The following EXOC4 variants were observed in gnomAD, a reference collection of about 807,000 sequenced individuals.
EXOC4 encodes the protein exocyst complex component 4.
In EXOC4, 71 loss-of-function variants were observed where a neutral mutation model predicts 107.2. The ratio of observed to expected loss-of-function variants is 0.66; its 90% CI spans 0.55 to 0.81. The LOEUF (loss-of-function observed/expected upper bound fraction) is 0.81, where lower values mean the gene tolerates loss of function less well. EXOC4 is among the 30% of genes least tolerant of loss of function. The pLI, the probability that EXOC4 is intolerant of heterozygous loss-of-function variation, is 0.00. For missense variants in EXOC4, 1,108 were observed against 1,189.6 expected (o/e 0.93, Z 1.01); for synonymous variants, 456 against 441.2 (o/e 1.03, Z -0.42).
intron 2 of EXOC4, among the ~76,000 whole-genome samples, chr7:133,278,489 T>C (rs1794050876): frequency 6.6e-6 from 1 of 152,052 alleles, no homozygotes; most frequent in Non-Finnish European, 1.5e-5. Context: ...TGAGGGCCCA[T>C]ATGAGCCAAC....
chr7:133,902,207 T>C (rs1187963018), intron 12 of EXOC4, among the ~76,000 whole-genome samples: 1 of 152,266 alleles, frequency 6.6e-6, no homozygotes, highest in Non-Finnish European at 1.5e-5. Flanking sequence ...CCCAGGCATT[T>C]TCTCCTGTGT....
chr7:133,702,512 T>A (rs924518496), intron 10 of EXOC4, among the ~76,000 whole-genome samples: 1 of 151,064 alleles, frequency 6.6e-6, no homozygotes, highest in Non-Finnish European at 1.5e-5. Flanking sequence ...GCCAATTTTT[T>A]TTTTTGAATT....
intron 14 of EXOC4, among the ~76,000 whole-genome samples, chr7:133,989,060 A>G (rs1001082903): frequency 3.9e-5 from 6 of 152,186 alleles, no homozygotes. Flanking sequence ...TAGTCCATGG[A>G]AGAGATGGGG....
At chr7:133,469,552 G>C (rs1348240267) in intron 7 of EXOC4, among the ~76,000 whole-genome samples, 1 of 152,116 alleles carries the variant, frequency 6.6e-6, no homozygotes, top group African/African-American at 2.4e-5. Flanking sequence ...AGTAATTTTG[G>C]TATAAATGTC....
chr7:133,994,348 C>T (rs377065872), intron 14 of EXOC4, among the ~76,000 whole-genome samples: 1 of 151,944 alleles, frequency 6.6e-6, no homozygotes, highest in African/African-American at 2.4e-5. Flanking sequence ...CCATGCCTAT[C>T]GGGGGGAGGA....
intron 10 of EXOC4, chr7:133,727,468 C>T (rs372348745): frequency 3.3e-5 from 5 of 153,010 alleles, no homozygotes; most frequent in Non-Finnish European, 7.3e-5. Flanking sequence ...CTGTTGTCCT[C>T]TTCACAGACA....
intron 9 of EXOC4, among the ~76,000 whole-genome samples, chr7:133,490,585 A>C (rs765330085): frequency 3.3e-5 from 5 of 152,142 alleles, no homozygotes; most frequent in Non-Finnish European, 7.4e-5. Context: ...CATGAATCGG[A>C]TATTTTTCTA....
At chr7:133,985,993 G>C (rs907777753) in intron 14 of EXOC4, among the ~76,000 whole-genome samples, 18 of 152,198 alleles carry the variant, frequency 1.2e-4, no homozygotes, top group Admixed American at 1.2e-3. Flanking sequence ...AAAAGGCAGG[G>C]AATGATTGCT....
chr7:133,715,945 TC>T (rs1240991902), intron 10 of EXOC4, among the ~76,000 whole-genome samples: 1 of 152,184 alleles, frequency 6.6e-6, no homozygotes, highest in Non-Finnish European at 1.5e-5. Flanking sequence ...GCTATATTAT[TC>T]CTGTTCAAAT....
At chr7:133,575,957 A>T (rs575468491) in intron 9 of EXOC4, among the ~76,000 whole-genome samples, 53 of 152,148 alleles carry the variant, frequency 3.5e-4, no homozygotes, top group Non-Finnish European at 4.0e-4. Context: ...CTCTTCAGTG[A>T]CTGTGTTGCT....
chr7:133,573,299 T>C (rs1455175469), intron 9 of EXOC4, among the ~76,000 whole-genome samples: 1 of 152,220 alleles, frequency 6.6e-6, no homozygotes, highest in African/African-American at 2.4e-5. Context: ...GTGAATTGAC[T>C]AGCTATTGAC....
At chr7:133,552,105 A>G (rs1481199654) in intron 9 of EXOC4, among the ~76,000 whole-genome samples, 4 of 152,160 alleles carry the variant, frequency 2.6e-5, no homozygotes, top group Non-Finnish European at 5.9e-5. Flanking sequence ...ATTGAATATA[A>G]AAAGTAATAA....
intron 11 of EXOC4, among the ~76,000 whole-genome samples, chr7:133,851,382 C>G (rs1798236882): frequency 2.6e-5 from 4 of 152,286 alleles, no homozygotes; most frequent in Non-Finnish European, 4.4e-5. Flanking sequence ...CAGGGCCTTG[C>G]TATGTTACCC....
Position 134,005,044 on chromosome 7 carries a change from C to T in EXOC4, c.2481C>T (p.Ala827=). 1 of 1,613,520 alleles carries T rather than the reference C, an allele frequency of 6.2e-7. No homozygotes were observed. The part of the protein sequence containing the change: ...LNKDISAIEE[A]MSASLQQHKF... ...AAGATATCAGCGCCATTGAAGAGGCCATGAGCGCCAGCCTTCAGCAGCACA... is the reference window on the plus strand; with the variant it reads ...AAGATATCAGCGCCATTGAAGAGGCTATGAGCGCCAGCCTTCAGCAGCACA... Residue 827 remains alanine, a synonymous_variant, in exon 16 of 18, where the codon GCC becomes GCT. Transcript: ENST00000253861.
intron 10 of EXOC4, among the ~76,000 whole-genome samples, chr7:133,766,471 GA>G (rs1310344497): frequency 6.6e-6 from 1 of 151,920 alleles, no homozygotes; most frequent in African/African-American, 2.4e-5. Context: ...AATGGTAGTT[GA>G]AAAATCTTTA....
rs67012753 is a variant in EXOC4 at position 133,734,434 on chromosome 7, C to CTT, written c.1515-82879_1515-82878dup. Reference sequence around the variant, plus strand: ...TCACTTATCTCATGATAATTCTTCACTTTTTTTTTTTTTCGAGATGGTTAT... The same window carrying CTT: ...TCACTTATCTCATGATAATTCTTCACTTTTTTTTTTTTTTTCGAGATGGTTAT... On this transcript the variant is annotated intron_variant, in intron 10 of 17. Coordinates refer to ENST00000253861, the MANE Select transcript of EXOC4 (RefSeq NM_021807.4). Among the ~76,000 whole-genome samples the CTT allele has an allele frequency of 2.7e-3, 400 of 145,464 alleles. 1 individual carries two copies. Among genetic ancestry groups the CTT allele is most frequent in the Middle Eastern group, 7.1e-3 (2 of 282 alleles).
intron 5 of EXOC4, among the ~76,000 whole-genome samples, chr7:133,338,175 A>T (rs918966919): frequency 2.0e-5 from 3 of 152,080 alleles, no homozygotes; most frequent in African/African-American, 7.2e-5. Flanking sequence ...TATTTAAATC[A>T]TGTATTTAAT....
At chr7:133,561,087 C>G (rs1174630568) in intron 9 of EXOC4, among the ~76,000 whole-genome samples, 2 of 152,118 alleles carry the variant, frequency 1.3e-5, no homozygotes, top group African/African-American at 4.8e-5. Context: ...AAGAGGGTGA[C>G]AGATGTTTGA....
intron 17 of EXOC4, among the ~76,000 whole-genome samples, chr7:134,011,470 A>C (rs1320949700): frequency 6.6e-6 from 1 of 151,556 alleles, no homozygotes; most frequent in Non-Finnish European, 1.5e-5. Flanking sequence ...TCCTCCTTCA[A>C]GGTTTCATTG....
Sources: gnomAD v4.1 joint callset for allele counts (sites outside exome capture counted in the v4.1 genomes callset) on GRCh38, gnomAD v4.1.1 for gene constraint, MANE v1.5 for transcripts, NCBI Gene and HGNC (gene_info 2026-07-23, HGNC 2026-07-21) for gene names.